ABCB6: variants seen among roughly 807,000 people sequenced by gnomAD.
ABCB6 encodes the protein ATP binding cassette subfamily B member 6 (LAN blood group).
ABCB6 carries 87 observed loss-of-function variants against 99.4 expected under a neutral mutation model. That is an observed-to-expected ratio of 0.88 (90% CI 0.74 to 1.05). The LOEUF (loss-of-function observed/expected upper bound fraction) is 1.05. ABCB6 is among the 50% of genes least tolerant of loss of function. The pLI is 0.00. For missense variants in ABCB6, 1,050 were observed against 1,097.9 expected (o/e 0.96, Z 0.62); for synonymous variants, 482 against 447.5 (o/e 1.08, Z -0.97).
In ABCB6 at chr2:219,217,746, A is replaced by C. The variant is rs1474436688; in HGVS notation, c.611T>G (p.Leu204Arg). The C allele has an allele frequency of 3.0e-5, 48 of 1,613,978 alleles. No homozygotes were observed. The highest frequency in any genetic ancestry group is 4.0e-5 in the Non-Finnish European group (47 of 1,179,998). The change falls in exon 2 of 19, where the codon CTC (leucine) becomes CGC (arginine). Residue 204 changes from leucine (L) to arginine (R), a missense_variant. By Grantham distance (102) the Leu-to-Arg change is moderately radical (BLOSUM62 -2). Transcript: ENST00000265316. ...VVSGGLFVLG[L>R]WAPGLRPQSY... ...CTGGGGACGAAGTCCAGGGGCCCAG[A>C]GACCCAGGACAAACAGCCCTCCAGA...
In ABCB6 at chr2:219,209,791, TC is replaced by T; in HGVS notation, c.*146del. 1 of 719,774 alleles carries T rather than the reference TC, an allele frequency of 1.4e-6. No individual in the cohort carries two copies. Among genetic ancestry groups the T allele is most frequent in the Non-Finnish European group, 2.5e-6 (1 of 402,052 alleles). The allele number at this position is 719,774 out of a possible 1,614,324, so 44.6% of individuals were successfully genotyped here. On this transcript the variant is annotated 3_prime_UTR_variant, in exon 19 of 19. Transcript: ENST00000265316. ...TCCTCGCACAGTCCACATTTTTATT[TC>T]CCCAAAAGATGTTTTTCGGAAAGGT...
chr2:219,216,931 G>GT lies in ABCB6; in HGVS notation c.688-100dup. 4 of 1,102,470 alleles carry GT rather than the reference G, an allele frequency of 3.6e-6. No individual in the cohort carries two copies. The highest frequency in any genetic ancestry group is 5.0e-6 in the Non-Finnish European group (4 of 792,194). The allele number at this position is 1,102,470 out of a possible 1,614,324, so 68.3% of individuals were successfully genotyped here. A position where few individuals can be genotyped will look rare whatever the true frequency, so the allele number is the denominator to read the frequency against. Reference sequence around the variant, plus strand: ...AAACCTATGGGGTTACAGCTCCCAGGTATCTCAGACCCACAAGTGATCCTT... The same window carrying GT: ...AAACCTATGGGGTTACAGCTCCCAGGTTATCTCAGACCCACAAGTGATCCTT... On this transcript the variant is annotated intron_variant, in intron 2 of 18. Transcript: ENST00000265316. This position sits in a 1 kb window ranked among gnomAD's most constrained non-coding sequence, Gnocchi z 4.2.
In ABCB6 at chr2:219,216,550, T is replaced by C; in HGVS notation, c.869-85A>G. The C allele has an allele frequency of 1.9e-6, 3 of 1,551,718 alleles. No individual in the cohort carries two copies. The highest frequency in any genetic ancestry group is 1.7e-4 in the Middle Eastern group (1 of 5,962). On this transcript the variant is annotated intron_variant, in intron 3 of 18. Coordinates refer to ENST00000265316, the MANE Select transcript of ABCB6 (RefSeq NM_005689.4). The surrounding 1 kb of genome is among the most constrained non-coding windows in gnomAD (Gnocchi z 4.2). ...GGCCCCAGGTACCAGCCACAGTCTC[T>C]TTCTGACCACCCAGCTCTGTCCCAC...
chr2:219,212,117 G>A (rs1950586259), intron 14 of ABCB6, among the ~76,000 whole-genome samples: 1 of 152,044 alleles, frequency 6.6e-6, no homozygotes, highest in Non-Finnish European at 1.5e-5. Context: ...GGCTGGTCTT[G>A]AACTCCTGGG....
At chr2:219,215,183 A>G in intron 5 of ABCB6, 101 bp from the exon 6 acceptor site, 1 of 1,472,386 alleles carries the variant, frequency 6.8e-7, no homozygotes. Context: ...CAAGCAACAG[A>G]CTGGAACCAG....
At chr2:219,213,356 G>C (rs1950601059) in intron 11 of ABCB6, 30 bp from the exon 12 acceptor site, 1 of 1,613,474 alleles carries the variant, frequency 6.2e-7, no homozygotes, top group African/African-American at 1.3e-5. Context: ...GTGTGCTGAG[G>C]TTCTCAGCTT....
At chr2:219,211,179 C>A in intron 14 of ABCB6, 71 bp from the exon 15 acceptor site, 1 of 1,557,748 alleles carries the variant, frequency 6.4e-7, no homozygotes. Flanking sequence ...GTGGGCTGGC[C>A]GGAAGCACGT....
chr2:219,212,437 A>C lies in ABCB6; in HGVS notation c.1918T>G (p.Tyr640Asp). 1.2e-6 allele frequency: 2 copies of C among 1,614,192 alleles called. No homozygotes were observed. Among genetic ancestry groups the C allele is most frequent in the Non-Finnish European group, 1.7e-6 (2 of 1,180,024 alleles). The change falls in exon 14 of 19, where the codon TAC becomes GAC. Residue 640 changes from tyrosine to aspartate, a missense_variant. Tyr to Asp is a radical substitution (Grantham distance 160). Coordinates refer to ENST00000265316, the MANE Select transcript of ABCB6 (RefSeq NM_005689.4). ...CGGATGCAGCCAGAGCTGATGTCGT[A>C]GAAGCGAAACAGCAGGCGCAAAATT... ...STILRLLFRF[Y>D]DISSGCIRID...
chr2:219,210,770 G>A lies in ABCB6; in HGVS notation c.2197C>T (p.Gln733Ter). 6.2e-7 allele frequency: 1 copy of A among 1,613,712 alleles called. No homozygotes were observed. The highest frequency in any genetic ancestry group is 8.5e-7 in the Non-Finnish European group (1 of 1,179,992). Reference sequence around the variant, plus strand: ...ATGGTGCGGGCAATGGCGACGCGCTGCTTCTCCCCGCCGCTCAGCTTCAGT... The same window carrying A: ...ATGGTGCGGGCAATGGCGACGCGCTACTTCTCCCCGCCGCTCAGCTTCAGT... ...RGLKLSGGEK[Q>*]RVAIARTILK... The change falls in exon 16 of 19, where the codon CAG (glutamine) becomes TAG (stop). Residue 733 changes from glutamine (Q) to a stop codon, truncating the protein, a stop_gained. Transcript: ENST00000265316. LOFTEE classifies it high-confidence loss of function.
chr2:219,212,303 C>T, intron 14 of ABCB6, 84 bp downstream of exon 14: 1 of 1,183,242 alleles, frequency 8.5e-7, no homozygotes, highest in East Asian at 2.4e-5. Flanking sequence ...GCAAGGGTGA[C>T]ATCTCCTCTC....
At chr2:219,215,169 T>A in intron 5 of ABCB6, 87 bp from the exon 6 acceptor site, 1 of 1,554,266 alleles carries the variant, frequency 6.4e-7, no homozygotes, top group Non-Finnish European at 8.8e-7. Flanking sequence ...TAGTGTTTTA[T>A]TTTCAAGCAA....
Position 219,217,723 on chromosome 2 carries a change from G to A in ABCB6, c.634C>T (p.Gln212Ter). The A allele has an allele frequency of 1.9e-6, 3 of 1,613,928 alleles. No individual in the cohort carries two copies. The change falls in exon 2 of 19, where the codon CAG becomes TAG. Residue 212 changes from glutamine (Q) to a stop codon, truncating the protein, a stop_gained. Coordinates refer to ENST00000265316, the MANE Select transcript of ABCB6 (RefSeq NM_005689.4). LOFTEE classifies it high-confidence loss of function. ...TCATGAACCTGCAATGTATAGGACT[G>A]GGGACGAAGTCCAGGGGCCCAGAGA... ...LGLWAPGLRP[Q>*]SYTLQVHEED...
In ABCB6 at chr2:219,213,329, G is replaced by A; in HGVS notation, c.1720-3C>T. 6.2e-7 allele frequency: 1 copy of A among 1,613,988 alleles called. No individual in the cohort carries two copies. Among genetic ancestry groups the A allele is most frequent in the Non-Finnish European group, 8.5e-7 (1 of 1,179,998 alleles). ...CCTGCTCCAGGAAGGTCCTTCACCTGGAAGGGCACCACCCATGTGTGCTGA... is the reference window on the plus strand; with the variant it reads ...CCTGCTCCAGGAAGGTCCTTCACCTAGAAGGGCACCACCCATGTGTGCTGA... On this transcript the variant is annotated splice_polypyrimidine_tract_variant and splice_region_variant and intron_variant, in intron 11 of 18. Coordinates refer to ENST00000265316, the MANE Select transcript of ABCB6 (RefSeq NM_005689.4).
chr2:219,217,991 C>T lies in ABCB6; in HGVS notation c.549+134G>A, dbSNP rs1197103224. The T allele has an allele frequency of 7.3e-6, 10 of 1,373,880 alleles. No individual in the cohort carries two copies. The South Asian group carries it at 7.5e-5, about 10-fold the overall frequency. The allele number at this position is 1,373,880 out of a possible 1,614,324, so 85.1% of individuals were successfully genotyped here. On this transcript the variant is annotated intron_variant, in intron 1 of 18. Transcript: ENST00000265316. Reference sequence around the variant, plus strand: ...ACCCCACCAGCTGGCTATCAGCTCCCGGCAGGACTCAGCCCCTCCCTTCTC... The same window carrying T: ...ACCCCACCAGCTGGCTATCAGCTCCTGGCAGGACTCAGCCCCTCCCTTCTC...
chr2:219,215,879 A>C, intron 5 of ABCB6, 118 bp downstream of exon 5: 1 of 1,173,982 alleles, frequency 8.5e-7, no homozygotes, highest in South Asian at 1.9e-5. Context: ...ATACTTTAAA[A>C]AACACCAAGG....
rs746936800 is a variant in ABCB6, at chr2:219,218,276, C to A, written c.398G>T (p.Arg133Leu). ...WLLVVERSQA[R>L]QRLAMGIWIK... ...CCAGATGCCCATTGCCAGACGCTGC[C>A]GTGCCTGGCTCCGCTCCACGACAAG... The change falls in exon 1 of 19, where the codon CGG becomes CTG. Residue 133 changes from arginine to leucine, a missense_variant. Physicochemically the swap from Arg to Leu is moderately radical, Grantham distance 102. Transcript: ENST00000265316. The A allele has an allele frequency of 6.2e-7, 1 of 1,613,284 alleles. No homozygotes were observed. Among genetic ancestry groups the A allele is most frequent in the South Asian group, 1.1e-5 (1 of 91,086 alleles).
In ABCB6 at chr2:219,210,946, C is replaced by A; in HGVS notation, c.2131G>T (p.Ala711Ser). Reference sequence around the variant, plus strand: ...AGGAATCTCTCACCTTCAGGGAAAGCCATAATGGCATCATGGATGCCTGCA... The same window carrying A: ...AGGAATCTCTCACCTTCAGGGAAAGACATAATGGCATCATGGATGCCTGCA... Reference protein sequence around the residue: ...QAAGIHDAIMAFPEGYRTQVG... With the variant: ...QAAGIHDAIMSFPEGYRTQVG... The change falls in exon 15 of 19, where the codon GCT becomes TCT. Residue 711 changes from alanine (A) to serine (S), a missense_variant. By Grantham distance (99) the Ala-to-Ser change is moderately conservative. Coordinates refer to ENST00000265316, the MANE Select transcript of ABCB6 (RefSeq NM_005689.4). 1 of 1,614,156 alleles carries A rather than the reference C, an allele frequency of 6.2e-7. No individual in the cohort carries two copies. Among genetic ancestry groups the A allele is most frequent in the Non-Finnish European group, 8.5e-7 (1 of 1,180,012 alleles).
Position 219,214,500 on chromosome 2 carries a change from T to A in ABCB6, c.1277-2A>T. 1 of 1,609,636 alleles carries A rather than the reference T, an allele frequency of 6.2e-7. No homozygotes were observed. Among genetic ancestry groups the A allele is most frequent in the Non-Finnish European group, 8.5e-7 (1 of 1,175,954 alleles). On this transcript the variant is annotated splice_acceptor_variant, in intron 6 of 18. Coordinates refer to ENST00000265316, the MANE Select transcript of ABCB6 (RefSeq NM_005689.4). LOFTEE classifies it high-confidence loss of function. The stretch of plus-strand genomic sequence containing the variant: ...ACTCAGTGACCACAATGGTCAGGGC[T>A]GGAGAGTGACAGGATGGGGAGCAGA...
intron 7 of ABCB6, 29 bp from the exon 8 acceptor site, chr2:219,214,215 C>T: frequency 6.2e-7 from 1 of 1,610,256 alleles, no homozygotes. Flanking sequence ...ATTTATTTGG[C>T]ATGGGCACAG....
Sources: gnomAD v4.1 joint callset for allele counts (sites outside exome capture counted in the v4.1 genomes callset) on GRCh38, gnomAD v4.1.1 for gene constraint, Gnocchi (gnomAD v3.1) non-coding constraint, MANE v1.5 for transcripts, NCBI Gene and HGNC (gene_info 2026-07-23, HGNC 2026-07-21) for gene names.